SYT14: variants seen among roughly 807,000 people sequenced by gnomAD.
The protein encoded by SYT14 is synaptotagmin 14.
In SYT14, 32 loss-of-function variants were observed where a neutral mutation model predicts 74.2. The ratio of observed to expected loss-of-function variants is 0.43; its 90% confidence interval spans 0.33 to 0.58. SYT14 has a LOEUF of 0.58. SYT14 is among the 20% of genes least tolerant of loss of function. The pLI is 0.05. For synonymous variants in SYT14, 298 were observed against 337.7 expected (o/e 0.88, Z 1.29); for missense variants, 791 against 981.8 (o/e 0.81, Z 2.60).
At chr1:210,117,070 C>A (rs1168821911) in intron 7 of SYT14, among the ~76,000 whole-genome samples, 1 of 152,146 alleles carries the variant, frequency 6.6e-6, no homozygotes, top group Non-Finnish European at 1.5e-5. Context: ...TGCCACTTCT[C>A]AGTCAAGAGT....
intron 2 of SYT14, among the ~76,000 whole-genome samples, chr1:209,971,091 G>A (rs1012151369): frequency 6.6e-6 from 1 of 152,148 alleles, no homozygotes; most frequent in Non-Finnish European, 1.5e-5. Context: ...CTCTTGAGGA[G>A]ATCATTCACC....
intron 7 of SYT14, among the ~76,000 whole-genome samples, chr1:210,154,702 C>A (rs532603795): frequency 6.6e-6 from 1 of 152,006 alleles, no homozygotes; most frequent in South Asian, 2.1e-4. Flanking sequence ...TAAAAGTATA[C>A]CTTTAATTTC....
chr1:210,165,090 TAAAG>T (rs774800432), exon 10 of SYT14: 9 of 152,266 alleles, frequency 5.9e-5, no homozygotes, highest in Non-Finnish European at 1.0e-4. Context: ...ATTTTATTGA[TAAAG>T]AAACTGCAGC....
chr1:209,951,811 A>G (rs2078916642), intron 1 of SYT14, among the ~76,000 whole-genome samples: 1 of 152,254 alleles, frequency 6.6e-6, no homozygotes, highest in African/African-American at 2.4e-5. Flanking sequence ...AATGAAAAGG[A>G]ATGAGCCACA....
At chr1:210,149,320 G>C (rs867881050) in intron 7 of SYT14, among the ~76,000 whole-genome samples, 1 of 151,710 alleles carries the variant, frequency 6.6e-6, no homozygotes, top group Non-Finnish European at 1.5e-5. Context: ...GAGTAGCTGG[G>C]ATTACAGGCG....
chr1:210,154,434 G>C (rs908695992), intron 7 of SYT14, among the ~76,000 whole-genome samples: 1 of 152,140 alleles, frequency 6.6e-6, no homozygotes, highest in Admixed American at 6.5e-5. Flanking sequence ...CAGGAAACTG[G>C]TCGCTGGTGC....
intron 5 of SYT14, among the ~76,000 whole-genome samples, chr1:210,067,293 C>T (rs568196751): frequency 1.9e-4 from 29 of 152,072 alleles, no homozygotes; most frequent in African/African-American, 6.0e-4. Flanking sequence ...CCTTGCAATT[C>T]CGTATGGATT....
At chr1:210,053,062 G>A (rs2081032497) in intron 5 of SYT14, among the ~76,000 whole-genome samples, 1 of 152,012 alleles carries the variant, frequency 6.6e-6, no homozygotes, top group African/African-American at 2.4e-5. Context: ...GATCAAAGAA[G>A]GGCAAATTAC....
At chr1:210,117,216 T>C (rs1032127278) in intron 7 of SYT14, among the ~76,000 whole-genome samples, 1 of 152,168 alleles carries the variant, frequency 6.6e-6, no homozygotes, top group South Asian at 2.1e-4. Context: ...TTTATGTTAA[T>C]GGATTAAATC....
intron 1 of SYT14, among the ~76,000 whole-genome samples, chr1:209,939,401 ACTT>A (rs1420921964): frequency 6.6e-6 from 1 of 152,170 alleles, no homozygotes; most frequent in Non-Finnish European, 1.5e-5. Context: ...ATCTCTGGGG[ACTT>A]CTTTTTGTCG....
At chr1:210,089,687 T>G (rs547637324) in intron 5 of SYT14, among the ~76,000 whole-genome samples, 2 of 152,356 alleles carry the variant, frequency 1.3e-5, no homozygotes, top group Admixed American at 1.3e-4. Flanking sequence ...CTAGCTATAT[T>G]TTTGTTTCTG....
At chr1:209,974,561 A>G (rs1453826229) in intron 2 of SYT14, among the ~76,000 whole-genome samples, 1 of 151,966 alleles carries the variant, frequency 6.6e-6, no homozygotes, top group Non-Finnish European at 1.5e-5. Context: ...GTTCTGTTCC[A>G]TTGGTCTATA....
chr1:210,107,441 A>C (rs952208120), intron 7 of SYT14, among the ~76,000 whole-genome samples: 1 of 152,226 alleles, frequency 6.6e-6, no homozygotes, highest in Non-Finnish European at 1.5e-5. Flanking sequence ...AAACAAAACC[A>C]TACTGACATT....
At chr1:209,953,732 C>T (rs1435983685) in intron 2 of SYT14, among the ~76,000 whole-genome samples, 1 of 152,132 alleles carries the variant, frequency 6.6e-6, no homozygotes, top group African/African-American at 2.4e-5. Context: ...CATGGTCATA[C>T]TAGTTTATCT....
intron 1 of SYT14, among the ~76,000 whole-genome samples, chr1:209,951,020 A>G (rs2078903362): frequency 6.6e-6 from 1 of 152,192 alleles, no homozygotes; most frequent in African/African-American, 2.4e-5. Flanking sequence ...GAATATTCAA[A>G]GTATGTATTT....
chr1:210,132,031 C>T (rs748252600), intron 7 of SYT14, among the ~76,000 whole-genome samples: 22 of 152,124 alleles, frequency 1.4e-4, no homozygotes, highest in Non-Finnish European at 3.1e-4. Flanking sequence ...TCTCCTTACT[C>T]TACTTGGAAC....
intron 5 of SYT14, among the ~76,000 whole-genome samples, chr1:210,026,498 T>C (rs2080414527): frequency 6.6e-6 from 1 of 152,038 alleles, no homozygotes; most frequent in Non-Finnish European, 1.5e-5. Flanking sequence ...TTATGTATTA[T>C]GGAAAGCTGT....
At chr1:210,077,004 T>C (rs1252452860) in intron 5 of SYT14, among the ~76,000 whole-genome samples, 2 of 152,236 alleles carry the variant, frequency 1.3e-5, no homozygotes, top group Admixed American at 1.3e-4. Flanking sequence ...TTCTTCCTTA[T>C]TGTAGAATTC....
chr1:210,032,022 G>A (rs549325243), intron 5 of SYT14, among the ~76,000 whole-genome samples: 29 of 152,170 alleles, frequency 1.9e-4, no homozygotes, highest in Admixed American at 1.5e-3. Flanking sequence ...GACTATGCCC[G>A]GAAGTAGAAC....
Sources: gnomAD v4.1 joint callset for allele counts (sites outside exome capture counted in the v4.1 genomes callset) on GRCh38, gnomAD v4.1.1 for gene constraint, MANE v1.5 for transcripts, NCBI Gene and HGNC (gene_info 2026-07-23, HGNC 2026-07-21) for gene names.